TENM1: variants seen among roughly 807,000 people sequenced by gnomAD.
TENM1 encodes the protein teneurin-1.
Under a neutral mutation model 174.8 loss-of-function variants are expected in TENM1, and 35 were observed. The observed-to-expected ratio is 0.20, with a 90% CI of 0.15 to 0.27. TENM1 has a LOEUF of 0.27. TENM1 is among the 10% of genes least tolerant of loss of function. The probability of loss-of-function intolerance (pLI) is 1.00; values close to 1 mark genes in which losing one functional copy is unlikely to be tolerated. For missense variants in TENM1, 1,633 were observed against 2,130.1 expected (o/e 0.77, Z 4.59); for synonymous variants, 781 against 798.7 (o/e 0.98, Z 0.37).
intron 5 of TENM1, among the ~76,000 whole-genome samples, chrX:124,704,141 G>T (rs1307301447): frequency 8.9e-6 from 1 of 112,206 alleles, no homozygotes; most frequent in East Asian, 2.8e-4. Flanking sequence ...CATATTCATT[G>T]TCTCTTAGTG....
chrX:124,844,329 T>C (rs1235378737), intron 3 of TENM1, among the ~76,000 whole-genome samples: 1 of 112,097 alleles, frequency 8.9e-6, no homozygotes, highest in Non-Finnish European at 1.9e-5. Context: ...CCAGAATCTA[T>C]TGCCAGGCAA....
the TENM1 span, among the ~76,000 whole-genome samples, chrX:125,154,980 G>C: frequency 1.7e-4 from 19 of 111,753 alleles, no homozygotes; most frequent in African/African-American, 5.2e-4. Flanking sequence ...AAAGAACAAA[G>C]CTCCCACAGC....
intron 1 of TENM1, among the ~76,000 whole-genome samples, chrX:124,934,689 C>T (rs1225495068): frequency 9.0e-6 from 1 of 111,302 alleles, no homozygotes; most frequent in Non-Finnish European, 1.9e-5. Context: ...AAGATAGGAG[C>T]AGTAGAAACA....
At chrX:124,565,812 T>C (rs1281897008) in intron 11 of TENM1, among the ~76,000 whole-genome samples, 2 of 111,487 alleles carry the variant, frequency 1.8e-5, no homozygotes, top group Non-Finnish European at 3.8e-5. Flanking sequence ...CCCATACTTA[T>C]ATTTTAAACA....
At chrX:124,425,995 GGTGTGTGTGTGTGT>G (rs200141105) in intron 23 of TENM1, among the ~76,000 whole-genome samples, 6,219 of 87,985 alleles carry the variant, frequency 0.071, 569 homozygotes, top group African/African-American at 0.24. Context: ...CAAAAGGACT[GGTGTGTGTGTGTGT>G]GTGTGTGTGT....
chrX:125,163,364 C>G, the TENM1 span, among the ~76,000 whole-genome samples: 1 of 110,351 alleles, frequency 9.1e-6, no homozygotes. Flanking sequence ...TAATGATTAT[C>G]TAGAATGCAT....
intron 3 of TENM1, among the ~76,000 whole-genome samples, chrX:124,773,334 A>G (rs1439784180): frequency 9.1e-6 from 1 of 110,015 alleles, no homozygotes; most frequent in Non-Finnish European, 1.9e-5. Flanking sequence ...TTTGTTAACC[A>G]AACTACCCTG....
the TENM1 span, among the ~76,000 whole-genome samples, chrX:125,131,947 G>C: frequency 8.9e-6 from 1 of 112,167 alleles, no homozygotes; most frequent in Non-Finnish European, 1.9e-5. Context: ...CATGATTTGA[G>C]CAATATTTAG....
chrX:124,446,118 A>C (rs986961659), intron 23 of TENM1, among the ~76,000 whole-genome samples: 15 of 112,618 alleles, frequency 1.3e-4, no homozygotes, highest in African/African-American at 4.8e-4. Flanking sequence ...ACTGCCACTA[A>C]ACACACATTC....
At chrX:125,162,802 C>G in the TENM1 span, among the ~76,000 whole-genome samples, 1 of 111,544 alleles carries the variant, frequency 9.0e-6, no homozygotes, top group Non-Finnish European at 1.9e-5. Flanking sequence ...AATCTCTTTT[C>G]TAAACCCAAA....
At chrX:124,522,733 G>T (rs2047882223) in intron 17 of TENM1, among the ~76,000 whole-genome samples, 1 of 106,685 alleles carries the variant, frequency 9.4e-6, no homozygotes, top group South Asian at 4.2e-4. Flanking sequence ...TTGTTGCCCA[G>T]GCTGGAGGGC....
At chrX:124,697,409 G>A (rs1049717843) in intron 5 of TENM1, among the ~76,000 whole-genome samples, 11 of 110,962 alleles carry the variant, frequency 9.9e-5, no homozygotes, top group African/African-American at 3.6e-4. Flanking sequence ...CCTGTATGGA[G>A]GATGCAATAC....
chrX:124,582,782 C>A (rs768251518), intron 11 of TENM1, among the ~76,000 whole-genome samples: 1 of 111,956 alleles, frequency 8.9e-6, no homozygotes, highest in African/African-American at 3.3e-5. Context: ...CTTTCCTAGT[C>A]AAAGAAAGGG....
At chrX:124,928,580 A>T (rs1262996398) in intron 1 of TENM1, among the ~76,000 whole-genome samples, 1 of 112,094 alleles carries the variant, frequency 8.9e-6, no homozygotes, top group Admixed American at 9.5e-5. Context: ...TGCCTCTTTC[A>T]AACCTTGTTA....
At chrX:124,957,172 T>C (rs2058585918) in intron 1 of TENM1, among the ~76,000 whole-genome samples, 1 of 109,098 alleles carries the variant, frequency 9.2e-6, no homozygotes, top group Non-Finnish European at 1.9e-5. Flanking sequence ...CATAAGTGTA[T>C]AAATGAACAA....
intron 1 of TENM1, among the ~76,000 whole-genome samples, chrX:124,931,334 A>T (rs1479892402): frequency 9.0e-6 from 1 of 110,925 alleles, no homozygotes; most frequent in African/African-American, 3.3e-5. Flanking sequence ...TGACAGCCAA[A>T]CCTTTTTTTA....
the TENM1 span, among the ~76,000 whole-genome samples, chrX:125,112,134 TTGTGTGTGTG>T: frequency 0.089 from 8,206 of 92,635 alleles, 331 homozygotes; most frequent in African/African-American, 0.16. Context: ...TTTAATGAAA[TTGTGTGTGTG>T]TGTGTGTGTG....
At chrX:124,727,252 T>A (rs1487251284) in intron 4 of TENM1, among the ~76,000 whole-genome samples, 1 of 112,481 alleles carries the variant, frequency 8.9e-6, no homozygotes, top group East Asian at 2.8e-4. Context: ...CTAGTGTTGA[T>A]AATCACAGCA....
intron 3 of TENM1, among the ~76,000 whole-genome samples, chrX:124,780,236 C>T (rs756510847): frequency 1.6e-4 from 18 of 112,170 alleles, no homozygotes; most frequent in Admixed American, 9.5e-5. Context: ...GAAATATCTC[C>T]GGTTAAAATT....
Sources: allele counts gnomAD v4.1 joint callset (sites outside exome capture counted in the v4.1 genomes callset), GRCh38; gene constraint gnomAD v4.1.1; transcripts MANE v1.5; gene names NCBI Gene and HGNC (gene_info 2026-07-23, HGNC 2026-07-21).